Variants in TMX3 observed in about 807,000 individuals in gnomAD.
TMX3 encodes the protein thioredoxin related transmembrane protein 3, also known as protein disulfide-isomerase TMX3.
A neutral mutation model predicts 64.4 loss-of-function variants in TMX3; 40 were observed. The observed-to-expected ratio is 0.62, with a 90% CI of 0.48 to 0.81. The LOEUF is 0.81. Ranked by LOEUF, TMX3 falls within the 30% of genes least tolerant of loss-of-function variation. The pLI is 0.00. For missense variants in TMX3, 497 were observed against 534.5 expected (o/e 0.93, Z 0.69); for synonymous variants, 189 against 175.7 (o/e 1.08, Z -0.60).
At chr18:68,703,399 A>G (rs1211913495) in intron 4 of TMX3, among the ~76,000 whole-genome samples, 1 of 152,220 alleles carries the variant, frequency 6.6e-6, no homozygotes, top group Non-Finnish European at 1.5e-5. Flanking sequence ...TATGCAATCA[A>G]TGAGAAAACA....
intron 3 of TMX3, among the ~76,000 whole-genome samples, chr18:68,711,145 C>A (rs1426595619): frequency 1.3e-5 from 2 of 152,096 alleles, no homozygotes; most frequent in African/African-American, 4.8e-5. Flanking sequence ...AATATTCTCA[C>A]CCCCAAAATT....
At chr18:68,690,614 G>C (rs961867626) in intron 9 of TMX3, among the ~76,000 whole-genome samples, 1 of 152,152 alleles carries the variant, frequency 6.6e-6, no homozygotes, top group Non-Finnish European at 1.5e-5. Flanking sequence ...TCTACATTTT[G>C]TAAAGAGATG....
chr18:68,711,597 A>G (rs1296990785), intron 2 of TMX3, among the ~76,000 whole-genome samples, 194 bp from the exon 3 acceptor site: 1 of 152,218 alleles, frequency 6.6e-6, no homozygotes, highest in Non-Finnish European at 1.5e-5. Flanking sequence ...CTGATCAATG[A>G]TAAAGTAATT....
chr18:68,700,488 T>TAA lies in TMX3; in HGVS notation c.312-4_312-3insTT. ...TATATGCCAAGTCCCCTTTTAATCTTTAAAAAAAAAAAAAAATTAAAACCT... is the reference window on the plus strand; with the variant it reads ...TATATGCCAAGTCCCCTTTTAATCTTAATAAAAAAAAAAAAAAATTAAAACCT... On this transcript the variant is annotated splice_region_variant and splice_polypyrimidine_tract_variant and intron_variant, in intron 5 of 15. Coordinates refer to ENST00000299608, the MANE Select transcript of TMX3 (RefSeq NM_019022.5). 4.6e-6 allele frequency: 7 copies of TAA among 1,509,660 alleles called. No individual in the cohort carries two copies. Among genetic ancestry groups the TAA allele is most frequent in the Admixed American group, 2.2e-5 (1 of 45,296 alleles). The allele number at this position is 1,509,660 out of a possible 1,614,324, so 93.5% of individuals were successfully genotyped here. A position where few individuals can be genotyped will look rare whatever the true frequency, so the allele number is the denominator to read the frequency against.
chr18:68,698,144 A>T (rs1202643259), intron 6 of TMX3, 113 bp from the exon 7 acceptor site: 1 of 684,092 alleles, frequency 1.5e-6, no homozygotes, highest in African/African-American at 1.8e-5. Flanking sequence ...TAATATATCA[A>T]CTGCATTTTA....
chr18:68,715,016 A>G lies in TMX3; in HGVS notation c.-35T>C. ...GGAGAGCTGCAGAAGCTGACTGTGC[A>G]AAAGAGGGATAAAGACACTGGGGTC... On this transcript the variant is annotated 5_prime_UTR_variant, in exon 1 of 16. Transcript: ENST00000299608. 1 of 1,557,650 alleles carries G rather than the reference A, an allele frequency of 6.4e-7. No homozygotes were observed. Among genetic ancestry groups the G allele is most frequent in the Non-Finnish European group, 8.7e-7 (1 of 1,151,102 alleles).
intron 4 of TMX3, among the ~76,000 whole-genome samples, chr18:68,707,359 T>C (rs1276313783): frequency 6.6e-6 from 1 of 152,228 alleles, no homozygotes; most frequent in African/African-American, 2.4e-5. Flanking sequence ...GTCTTACTAC[T>C]GCTTTTTAAA....
In TMX3 at chr18:68,681,122, A is replaced by C. The variant is rs757552556; in HGVS notation, c.906-12T>G. ...GGACTGTCAATTCACTGAAAATATA[A>C]AAACAAATCAAAATATACATTAAAC... On this transcript the variant is annotated splice_polypyrimidine_tract_variant and intron_variant, in intron 13 of 15. Coordinates refer to ENST00000299608, the MANE Select transcript of TMX3 (RefSeq NM_019022.5). 1.9e-6 allele frequency: 3 copies of C among 1,540,274 alleles called. No individual in the cohort carries two copies. In the Admixed American group the frequency reaches 6.0e-5, roughly 31 times the overall value.
intron 6 of TMX3, among the ~76,000 whole-genome samples, chr18:68,699,511 ACTC>A (rs1008262747): frequency 3.3e-5 from 5 of 152,100 alleles, no homozygotes; most frequent in Non-Finnish European, 7.4e-5. Flanking sequence ...TATAAAGATC[ACTC>A]CTAATCCTCT....
chr18:68,699,742 C>G (rs1245405324), intron 6 of TMX3, among the ~76,000 whole-genome samples: 1 of 152,062 alleles, frequency 6.6e-6, no homozygotes, highest in African/African-American at 2.4e-5. Context: ...TTCTTTATAT[C>G]CCATCAAAAT....
Position 68,698,021 on chromosome 18 carries a change from G to T in TMX3, c.403C>A (p.Arg135=). 6.2e-7 allele frequency: 1 copy of T among 1,609,682 alleles called. No homozygotes were observed. Among genetic ancestry groups the T allele is most frequent in the Non-Finnish European group, 8.5e-7 (1 of 1,178,670 alleles). ...AACATTTGTTGACTTGGAAGTGGCCGAATTAGAGCCCTGTTGCACAACAAA... is the reference window on the plus strand; with the variant it reads ...AACATTTGTTGACTTGGAAGTGGCCTAATTAGAGCCCTGTTGCACAACAAA... ...FAHRVSGALI[R]PLPSQQMFEH... The change falls in exon 7 of 16, where the codon CGG becomes AGG. Residue 135 remains arginine, a synonymous_variant. Transcript: ENST00000299608.
chr18:68,696,676 C>T (rs984699569), intron 8 of TMX3, among the ~76,000 whole-genome samples: 1 of 151,728 alleles, frequency 6.6e-6, no homozygotes, highest in African/African-American at 2.4e-5. Flanking sequence ...AGGATTTCAC[C>T]ATGTTGGCCA....
chr18:68,692,999 A>G (rs2064696198), intron 8 of TMX3, among the ~76,000 whole-genome samples: 1 of 152,194 alleles, frequency 6.6e-6, no homozygotes, highest in South Asian at 2.1e-4. Flanking sequence ...TTTGTAGATG[A>G]GGGCTTAGCA....
intron 5 of TMX3, 41 bp downstream of exon 5, chr18:68,701,702 AAC>A (rs1424079045): frequency 1.2e-6 from 2 of 1,609,586 alleles, no homozygotes; most frequent in Non-Finnish European, 1.7e-6. Context: ...AAGTAGAGTG[AAC>A]TAATAAAAAT....
chr18:68,700,303 T>G (rs1384770714), intron 6 of TMX3, 102 bp downstream of exon 6: 1 of 732,022 alleles, frequency 1.4e-6, no homozygotes. Flanking sequence ...AAATTTTACC[T>G]AGGTATGTCC....
At chr18:68,701,510 T>G (rs554814848) in intron 5 of TMX3, 3 of 808,814 alleles carry the variant, frequency 3.7e-6, no homozygotes, top group African/African-American at 3.5e-5. Flanking sequence ...TCCTGCACAG[T>G]GCGTGTCACA....
rs1469345406 is a variant in TMX3, at chr18:68,676,214, T to A, written c.*719A>T. ...TCCCAACCTACAATGACTGATGAAA[T>A]ACCTGTTAGTATTCCAAGGAATGGG... On this transcript the variant is annotated 3_prime_UTR_variant, in exon 16 of 16. Transcript: ENST00000299608. The A allele has an allele frequency of 6.6e-6, 1 of 152,132 alleles. No homozygotes were observed. Among genetic ancestry groups the A allele is most frequent in the African/African-American group, 2.4e-5 (1 of 41,430 alleles). The allele number at this position is 152,132 out of a possible 1,614,324, so 9.4% of individuals were successfully genotyped here.
chr18:68,709,722 A>T (rs982111207), intron 4 of TMX3, among the ~76,000 whole-genome samples: 3 of 152,142 alleles, frequency 2.0e-5, no homozygotes, highest in African/African-American at 7.2e-5. Context: ...TTCTGAACTC[A>T]AGTAGCAATA....
At position 68,687,686 on chromosome 18, in the gene TMX3, C is replaced by A. The variant is rs1029081496; in HGVS notation, c.717G>T (p.Leu239Phe). Residue 239 changes from leucine (L) to phenylalanine (F), a missense_variant, in exon 10 of 16, where the codon TTG becomes TTT. Leu to Phe is a conservative substitution (Grantham distance 22). This residue lies in a region of TMX3 where 360 missense variants were observed against 383.5 expected (regional missense o/e 0.94). Coordinates refer to ENST00000299608, the MANE Select transcript of TMX3 (RefSeq NM_019022.5). ...QNYLAMDGFL[L>F]YELGDTGKLV... is the part of the protein sequence containing the mutation. ...TGTTACCTGTGTCTCCAAGTTCATA[C>A]AAGAGGAAGCCATCCATAGCAAGGT... is the stretch of plus-strand genomic sequence containing the variant. 3 of 1,611,482 alleles carry A rather than the reference C, an allele frequency of 1.9e-6. No individual in the cohort carries two copies. Among genetic ancestry groups the A allele is most frequent in the Admixed American group, 1.7e-5 (1 of 59,496 alleles).
Sources: allele counts gnomAD v4.1 joint callset (sites outside exome capture counted in the v4.1 genomes callset), GRCh38; gene constraint gnomAD v4.1.1; regional missense constraint gnomAD v4.1.1; transcripts MANE v1.5; gene names NCBI Gene and HGNC (gene_info 2026-07-23, HGNC 2026-07-21).